The following GRAMD2A variants were observed in gnomAD, a reference collection of about 807,000 sequenced individuals.
GRAMD2A encodes GRAM domain-containing protein 2A.
GRAMD2A carries 37 observed loss-of-function variants against 51.1 expected under a neutral mutation model. The ratio of observed to expected loss-of-function variants is 0.72; its 90% CI spans 0.56 to 0.95. The LOEUF (loss-of-function observed/expected upper bound fraction) is 0.95, where lower values mean the gene tolerates loss of function less well. Ranked by LOEUF, GRAMD2A falls within the 40% of genes least tolerant of loss-of-function variation. The pLI is 0.00. For synonymous variants in GRAMD2A, 136 were observed against 157.1 expected, an observed-to-expected ratio of 0.87 and a Z score of 1.01; for missense variants, 414 against 426.9, an observed-to-expected ratio of 0.97 and a Z score of 0.27.
In GRAMD2A at chr15:72,185,189, GT is replaced by G. The variant is rs761749553; in HGVS notation, c.41+12541del. Among the ~76,000 whole-genome samples, 546 of 139,928 alleles carry G rather than the reference GT, an allele frequency of 3.9e-3. 3 individuals are homozygous for G. The highest frequency in any genetic ancestry group is 4.8e-3 in the Non-Finnish European group (310 of 63,924). The allele number at this position is 139,928 out of a possible 152,430, so 91.8% of individuals were successfully genotyped here. ...GACAACAAAAATATATTTTGTTCCAGTTTTTTTTTTTTTTTTTTTTTTGAGA... is the reference window on the plus strand; with the variant it reads ...GACAACAAAAATATATTTTGTTCCAGTTTTTTTTTTTTTTTTTTTTTGAGA... On this transcript the variant is annotated intron_variant, in intron 1 of 11. Coordinates refer to ENST00000309731, the MANE Select transcript of GRAMD2A (RefSeq NM_001012642.3).
At chr15:72,191,261 G>A (rs772951534) in intron 1 of GRAMD2A, among the ~76,000 whole-genome samples, 1 of 151,776 alleles carries the variant, frequency 6.6e-6, no homozygotes, top group Non-Finnish European at 1.5e-5. Flanking sequence ...GTGCAATGGT[G>A]TGATCTCAGC....
At chr15:72,177,890 G>A (rs1046642108) in intron 1 of GRAMD2A, among the ~76,000 whole-genome samples, 4 of 152,176 alleles carry the variant, frequency 2.6e-5, no homozygotes, top group Admixed American at 2.6e-4. Context: ...AACACGCCCA[G>A]CTAATTGTTG....
intron 11 of GRAMD2A, 61 bp from the exon 12 acceptor site, chr15:72,162,073 A>G: frequency 6.2e-7 from 1 of 1,601,782 alleles, no homozygotes; most frequent in Non-Finnish European, 8.6e-7. Flanking sequence ...GGACGTGGGC[A>G]GAAGGGCCAG....
intron 1 of GRAMD2A, among the ~76,000 whole-genome samples, chr15:72,171,879 G>T (rs2081613610): frequency 6.7e-6 from 1 of 149,708 alleles, no homozygotes; most frequent in African/African-American, 2.5e-5. Context: ...GCCCAGGCTG[G>T]AGTCCAGTGG....
Position 72,161,860 on chromosome 15 carries a change from A to T in GRAMD2A, c.*149T>A. ...AGATCTCTCATAGAGGGAAGAGAAG[A>T]GCTGCGGGGAGGAGGAGGGATCTGG... On this transcript the variant is annotated 3_prime_UTR_variant, in exon 12 of 12. Coordinates refer to ENST00000309731, the MANE Select transcript of GRAMD2A (RefSeq NM_001012642.3). The T allele has an allele frequency of 1.3e-6, 1 of 773,410 alleles. No individual in the cohort carries two copies. The highest frequency in any genetic ancestry group is 1.5e-5 in the South Asian group (1 of 66,124). 47.9% of individuals were successfully genotyped at this position (773,410 alleles called of 1,614,324 possible).
chr15:72,167,075 C>T lies in GRAMD2A; in HGVS notation c.390G>A (p.Val130=). ...GKDIKVVIPV[V]SVQMIKKHKM... Reference sequence around the variant, plus strand: ...TGTGTTTTTTGATCATTTGCACAGACACCACAGGAATGACCACCTGAGAGG... The same window carrying T: ...TGTGTTTTTTGATCATTTGCACAGATACCACAGGAATGACCACCTGAGAGG... The change falls in exon 6 of 12, where the codon GTG becomes GTA. Residue 130 remains valine, a synonymous_variant. Coordinates refer to ENST00000309731, the MANE Select transcript of GRAMD2A (RefSeq NM_001012642.3). 1.2e-6 allele frequency: 2 copies of T among 1,613,834 alleles called. No individual in the cohort carries two copies. The highest frequency in any genetic ancestry group is 1.7e-6 in the Non-Finnish European group (2 of 1,179,718).
rs2081680732 is a variant in GRAMD2A at position 72,179,453 on chromosome 15, AC to A, written c.42-9515del. On this transcript the variant is annotated intron_variant, in intron 1 of 11. Coordinates refer to ENST00000309731, the MANE Select transcript of GRAMD2A (RefSeq NM_001012642.3). ...CGAGCTGCAGCTACACTAGAGCTGA[AC>A]CTCTGGGTGCCCCCGGAGACTGGCT... 7.9e-5 allele frequency among the ~76,000 whole-genome samples: 12 copies of A among 152,270 alleles called. 2 individuals are homozygous for A. In the South Asian group the frequency reaches 2.5e-3, roughly 32 times the overall value.
At chr15:72,184,708 A>G (rs1202598280) in intron 1 of GRAMD2A, among the ~76,000 whole-genome samples, 2 of 152,194 alleles carry the variant, frequency 1.3e-5, no homozygotes, top group African/African-American at 4.8e-5. Context: ...GGAGAACCCC[A>G]GATTGTCTAA....
intron 1 of GRAMD2A, among the ~76,000 whole-genome samples, chr15:72,197,084 C>T (rs1047964006): frequency 1.4e-4 from 22 of 152,238 alleles, no homozygotes; most frequent in African/African-American, 5.1e-4. Context: ...GCGCCAGCTC[C>T]TGTCTGCCCT....
At chr15:72,192,339 A>G (rs1055436989) in intron 1 of GRAMD2A, among the ~76,000 whole-genome samples, 4 of 152,226 alleles carry the variant, frequency 2.6e-5, no homozygotes, top group South Asian at 2.1e-4. Context: ...GAAGCCCAAT[A>G]GGAATACCAA....
intron 1 of GRAMD2A, among the ~76,000 whole-genome samples, chr15:72,172,310 C>T (rs1010337628): frequency 2.0e-5 from 3 of 151,560 alleles, no homozygotes; most frequent in Non-Finnish European, 2.9e-5. Flanking sequence ...TTGTAGACAG[C>T]GGGGGTCTCA....
intron 1 of GRAMD2A, among the ~76,000 whole-genome samples, chr15:72,184,963 T>C (rs1159872773): frequency 6.6e-6 from 1 of 152,142 alleles, no homozygotes; most frequent in Non-Finnish European, 1.5e-5. Flanking sequence ...AGAACTGTGA[T>C]GGGGTAGACA....
intron 1 of GRAMD2A, among the ~76,000 whole-genome samples, chr15:72,174,627 G>A (rs546369380): frequency 7.9e-5 from 12 of 152,282 alleles, no homozygotes; most frequent in African/African-American, 2.4e-4. Flanking sequence ...TCCCCTGGCT[G>A]AGCATGGTCT....
At chr15:72,193,826 G>A (rs542507628) in intron 1 of GRAMD2A, among the ~76,000 whole-genome samples, 11 of 152,242 alleles carry the variant, frequency 7.2e-5, no homozygotes, top group Admixed American at 2.0e-4. Flanking sequence ...GCGCCAGGCC[G>A]TGCATTTCTA....
In GRAMD2A at chr15:72,162,326, C is replaced by T. The variant is rs142804600; in HGVS notation, c.1008G>A (p.Arg336=). 758 of 1,614,102 alleles carry T rather than the reference C, an allele frequency of 4.7e-4. No homozygotes were observed. Among genetic ancestry groups the T allele is most frequent in the Non-Finnish European group, 6.1e-4 (721 of 1,180,002 alleles). The change falls in exon 11 of 12, where the codon CGG becomes CGA. Residue 336 remains arginine (R), a synonymous_variant. Transcript: ENST00000309731. ...TCAAGGAGCATAACTGCTGCTCTAG[C>T]CGAGAAATACGGAACGCCAGGTAGG... ...SSSYLAFRIS[R]LEQQLCSLSW... is the part of the protein sequence containing the mutation.
chr15:72,183,596 G>T (rs1339524048), intron 1 of GRAMD2A, among the ~76,000 whole-genome samples: 1 of 151,984 alleles, frequency 6.6e-6, no homozygotes, highest in Non-Finnish European at 1.5e-5. Context: ...TTGGGAGGCC[G>T]AGGCAGGTGA....
At chr15:72,192,399 C>A (rs1217643676) in intron 1 of GRAMD2A, among the ~76,000 whole-genome samples, 1 of 152,142 alleles carries the variant, frequency 6.6e-6, no homozygotes, top group Non-Finnish European at 1.5e-5. Context: ...TCTAAGTAAT[C>A]CTTCAAAAAT....
chr15:72,189,436 C>T (rs1223254353), intron 1 of GRAMD2A, among the ~76,000 whole-genome samples: 1 of 152,132 alleles, frequency 6.6e-6, no homozygotes, highest in Non-Finnish European at 1.5e-5. Context: ...GGTTGTGATA[C>T]TGTTCTATTG....
intron 1 of GRAMD2A, among the ~76,000 whole-genome samples, chr15:72,179,414 G>C (rs34789424): frequency 0.027 from 4,080 of 152,350 alleles, 101 homozygotes; most frequent in Admixed American, 0.067. Context: ...AGGCGAGAGA[G>C]AGCCAGGTAG....
Sources: allele counts gnomAD v4.1 joint callset (sites outside exome capture counted in the v4.1 genomes callset), GRCh38; gene constraint gnomAD v4.1.1; transcripts MANE v1.5; gene names NCBI Gene and HGNC (gene_info 2026-07-23, HGNC 2026-07-21).